The following DRC11 variants were observed in gnomAD, a reference collection of about 807,000 sequenced individuals.
The protein encoded by DRC11 is IQ and AAA domain-containing protein 1.
At chr2:236,397,084 G>A in the DRC11 span, among the ~76,000 whole-genome samples, 12 of 152,250 alleles carry the variant, frequency 7.9e-5, no homozygotes, top group Non-Finnish European at 1.8e-4. This position sits in a 1 kb window ranked among gnomAD's most constrained non-coding sequence, Gnocchi z 5.0. Context: ...GAGGTGGAGC[G>A]TGCCCAGCCT....
chr2:236,505,276 CACTTGAATATAT>C, the DRC11 span, among the ~76,000 whole-genome samples: 1 of 152,184 alleles, frequency 6.6e-6, no homozygotes, highest in African/African-American at 2.4e-5. Context: ...CTTGAATATT[CACTTGAATATAT>C]GCACTTCCGT....
chr2:236,460,271 C>A, the DRC11 span, among the ~76,000 whole-genome samples: 1 of 152,126 alleles, frequency 6.6e-6, no homozygotes, highest in Non-Finnish European at 1.5e-5. This position sits in a 1 kb window ranked among gnomAD's most constrained non-coding sequence, Gnocchi z 4.0. Context: ...AGGTCAAGGA[C>A]ACCAGATAAA....
the DRC11 span, among the ~76,000 whole-genome samples, chr2:236,325,737 G>A: frequency 6.6e-5 from 10 of 152,178 alleles, no homozygotes; most frequent in East Asian, 1.5e-3. The surrounding 1 kb of genome is among the most constrained non-coding windows in gnomAD (Gnocchi z 4.4). Context: ...GGAGTAGCTG[G>A]GATTACAGGC....
the DRC11 span, among the ~76,000 whole-genome samples, chr2:236,336,783 G>A: frequency 6.6e-6 from 1 of 152,130 alleles, no homozygotes; most frequent in Admixed American, 6.5e-5. The surrounding 1 kb of genome is among the most constrained non-coding windows in gnomAD (Gnocchi z 7.3). Context: ...CTCCCCGCCA[G>A]TGCAGTGTTA....
the DRC11 span, among the ~76,000 whole-genome samples, chr2:236,345,218 C>T: frequency 4.6e-5 from 7 of 152,246 alleles, no homozygotes; most frequent in East Asian, 1.9e-4. Context: ...CTGCTCTCCC[C>T]GTGCGGCTCA....
chr2:236,331,453 C>T, the DRC11 span: 49 of 1,613,840 alleles, frequency 3.0e-5, no homozygotes, highest in Admixed American at 1.8e-4. This position sits in a 1 kb window ranked among gnomAD's most constrained non-coding sequence, Gnocchi z 4.8. Flanking sequence ...AATTTGCCGC[C>T]GGATTCTCTG....
chr2:236,484,493 C>A, the DRC11 span, among the ~76,000 whole-genome samples: 2 of 152,076 alleles, frequency 1.3e-5, no homozygotes, highest in African/African-American at 4.8e-5. Context: ...TCTAAAGATA[C>A]ATAATAGGAT....
chr2:236,488,170 G>A, the DRC11 span: 1 of 1,600,718 alleles, frequency 6.2e-7, no homozygotes, highest in Non-Finnish European at 8.5e-7. Context: ...TCATCGAAAG[G>A]GATACTCTTT....
the DRC11 span, among the ~76,000 whole-genome samples, chr2:236,357,356 TATATATTATAA>T: frequency 2.2e-4 from 26 of 119,598 alleles, no homozygotes; most frequent in Admixed American, 1.3e-3. Context: ...ATTATATGTA[TATATATTATAA>T]ATATATTTAT....
chr2:236,333,097 A>G, the DRC11 span: 1 of 152,218 alleles, frequency 6.6e-6, no homozygotes, highest in Admixed American at 6.5e-5. This position sits in a 1 kb window ranked among gnomAD's most constrained non-coding sequence, Gnocchi z 6.0. Context: ...AAACAAGCCC[A>G]AAAATGTTTG....
At chr2:236,388,939 C>T in the DRC11 span, among the ~76,000 whole-genome samples, 1 of 152,166 alleles carries the variant, frequency 6.6e-6, no homozygotes, top group Non-Finnish European at 1.5e-5. Context: ...TGTCAGTATG[C>T]CCCTGCTGGG....
chr2:236,446,005 G>A, the DRC11 span, among the ~76,000 whole-genome samples: 1 of 152,230 alleles, frequency 6.6e-6, no homozygotes, highest in Middle Eastern at 3.4e-3. This position sits in a 1 kb window ranked among gnomAD's most constrained non-coding sequence, Gnocchi z 6.2. Flanking sequence ...GTCTCTTCTT[G>A]GCCCCTTCCC....
At chr2:236,395,127 C>T in the DRC11 span, among the ~76,000 whole-genome samples, 1 of 152,026 alleles carries the variant, frequency 6.6e-6, no homozygotes, top group Non-Finnish European at 1.5e-5. Context: ...GGGGGCACAG[C>T]GCTGGGGGTG....
the DRC11 span, among the ~76,000 whole-genome samples, chr2:236,437,953 C>G: frequency 3.7e-5 from 5 of 135,946 alleles, no homozygotes. Context: ...TTAATTAGAT[C>G]CCATTTGTCA....
the DRC11 span, among the ~76,000 whole-genome samples, chr2:236,369,722 G>A: frequency 6.6e-6 from 1 of 152,238 alleles, no homozygotes; most frequent in Admixed American, 6.5e-5. This position sits in a 1 kb window ranked among gnomAD's most constrained non-coding sequence, Gnocchi z 4.5. Flanking sequence ...GCCTGCCAAG[G>A]TCTGAGACTC....
At chr2:236,406,963 T>G in the DRC11 span, among the ~76,000 whole-genome samples, 3 of 152,176 alleles carry the variant, frequency 2.0e-5, no homozygotes, top group Admixed American at 2.0e-4. This position sits in a 1 kb window ranked among gnomAD's most constrained non-coding sequence, Gnocchi z 4.7. Context: ...GCCAGGATGG[T>G]CTCAATCTCT....
chr2:236,505,151 T>C, the DRC11 span, among the ~76,000 whole-genome samples: 1 of 152,200 alleles, frequency 6.6e-6, no homozygotes, highest in Non-Finnish European at 1.5e-5. Flanking sequence ...ATATGACAGA[T>C]TTTGAAGTCA....
the DRC11 span, among the ~76,000 whole-genome samples, chr2:236,355,740 T>G: frequency 6.8e-6 from 1 of 147,974 alleles, no homozygotes; most frequent in Non-Finnish European, 1.5e-5. Flanking sequence ...TCTCTCTCTC[T>G]CTCTCTCTCT....
the DRC11 span, chr2:236,408,567 G>T: frequency 2.8e-6 from 2 of 726,844 alleles, no homozygotes; most frequent in African/African-American, 1.7e-5. The surrounding 1 kb of genome is among the most constrained non-coding windows in gnomAD (Gnocchi z 5.5). Flanking sequence ...GAGGAAGCAG[G>T]TATATGTGGG....
Sources: gnomAD v4.1 joint callset for allele counts (sites outside exome capture counted in the v4.1 genomes callset) on GRCh38, gnomAD v4.1.1 for gene constraint, Gnocchi (gnomAD v3.1) non-coding constraint, MANE v1.5 for transcripts, NCBI Gene and HGNC (gene_info 2026-07-23, HGNC 2026-07-21) for gene names.